Variants in NWD1 observed in about 807,000 individuals in gnomAD.
The protein encoded by NWD1 is NACHT domain- and WD repeat-containing protein 1.
A neutral mutation model predicts 135.1 loss-of-function variants in NWD1; 129 were observed. The ratio of observed to expected loss-of-function variants is 0.96; its 90% CI spans 0.83 to 1.11. NWD1 has a LOEUF of 1.11. NWD1 is among the 50% of genes least tolerant of loss of function. The pLI is 0.00. For missense variants in NWD1, 1,740 were observed against 1,851.3 expected, an observed-to-expected ratio of 0.94 and a Z score of 1.10; for synonymous variants, 773 against 786.0, an observed-to-expected ratio of 0.98 and a Z score of 0.28.
chr19:16,723,634 T>A (rs116900656), intron 1 of NWD1, among the ~76,000 whole-genome samples: 2,236 of 152,260 alleles, frequency 0.015, 30 homozygotes, highest in Middle Eastern at 0.044. Context: ...TTAATTTATA[T>A]CCATTCATCA....
chr19:16,805,665 C>T (rs926047725), intron 17 of NWD1, among the ~76,000 whole-genome samples: 4 of 152,044 alleles, frequency 2.6e-5, no homozygotes, highest in African/African-American at 9.7e-5. Flanking sequence ...GTTCACCCTG[C>T]AACCAGCAAA....
intron 1 of NWD1, among the ~76,000 whole-genome samples, chr19:16,723,508 C>T (rs1311262707): frequency 6.6e-6 from 1 of 151,592 alleles, no homozygotes. Context: ...GAGACACTGT[C>T]TCCCTGTGTT....
At chr19:16,780,314 C>T (rs1323499416) in intron 12 of NWD1, among the ~76,000 whole-genome samples, 1 of 152,094 alleles carries the variant, frequency 6.6e-6, no homozygotes, top group Non-Finnish European at 1.5e-5. Flanking sequence ...CGCCACCATG[C>T]CTGGCTAATT....
In NWD1 at chr19:16,750,322, G is replaced by T. The variant is rs1968524123; in HGVS notation, c.1680G>T (p.Glu560Asp). 1 of 1,613,366 alleles carries T rather than the reference G, an allele frequency of 6.2e-7. No homozygotes were observed. Among genetic ancestry groups the T allele is most frequent in the Admixed American group, 1.7e-5 (1 of 59,934 alleles). ...TVPVPLATTAEEATHQLCTRL... is the reference protein window; with the variant it reads ...TVPVPLATTADEATHQLCTRL... ...CTGTCCCGCTGGCCACCACCGCAGAGGAAGCCACGCACCAACTCTGCACCC... is the reference window on the plus strand; with the variant it reads ...CTGTCCCGCTGGCCACCACCGCAGATGAAGCCACGCACCAACTCTGCACCC... The change falls in exon 6 of 19, where the codon GAG (glutamate) becomes GAT (aspartate). Residue 560 changes from glutamate to aspartate, a missense_variant. By Grantham distance (45) the Glu-to-Asp change is conservative. Transcript: ENST00000524140.
At chr19:16,789,718 T>A (rs868564782) in intron 13 of NWD1, among the ~76,000 whole-genome samples, 3 of 140,164 alleles carry the variant, frequency 2.1e-5, no homozygotes, top group Non-Finnish European at 4.6e-5. Context: ...CTCTCTCTCT[T>A]TTTTTTTTTT....
In NWD1 at chr19:16,762,957, T is replaced by C. The variant is rs193007865; in HGVS notation, c.2133+819T>C. ...TGCCACTGCACCTGGCTAATTTTTGTATTTTTAGTAGAGACGGGGTTTTGC... is the reference window on the plus strand; with the variant it reads ...TGCCACTGCACCTGGCTAATTTTTGCATTTTTAGTAGAGACGGGGTTTTGC... On this transcript the variant is annotated intron_variant, in intron 8 of 18. Coordinates refer to ENST00000524140, the MANE Select transcript of NWD1 (RefSeq NM_001007525.5). Among the ~76,000 whole-genome samples the C allele has an allele frequency of 4.9e-4, 75 of 152,214 alleles. 1 individual carries two copies. In the East Asian group the frequency reaches 0.014, roughly 28 times the overall value.
In NWD1 at chr19:16,750,335, C is replaced by T; in HGVS notation, c.1693C>T (p.Gln565Ter). The T allele has an allele frequency of 6.2e-7, 1 of 1,612,798 alleles. No individual in the cohort carries two copies. Among genetic ancestry groups the T allele is most frequent in the South Asian group, 1.1e-5 (1 of 91,030 alleles). Residue 565 changes from glutamine to a stop codon, truncating the protein, a stop_gained, in exon 6 of 19, where the codon CAA becomes TAA. Coordinates refer to ENST00000524140, the MANE Select transcript of NWD1 (RefSeq NM_001007525.5). LOFTEE classifies it high-confidence loss of function. Reference sequence around the variant, plus strand: ...CACCACCGCAGAGGAAGCCACGCACCAACTCTGCACCCGCCTGGAGCAGAC... The same window carrying T: ...CACCACCGCAGAGGAAGCCACGCACTAACTCTGCACCCGCCTGGAGCAGAC... ...LATTAEEATH[Q>*]LCTRLEQTHG...
chr19:16,726,096 A>G (rs1461134301), intron 2 of NWD1, among the ~76,000 whole-genome samples: 2 of 150,982 alleles, frequency 1.3e-5, no homozygotes, highest in Non-Finnish European at 3.0e-5. Flanking sequence ...CGGAGTAGCT[A>G]GGATTACAGG....
In NWD1 at chr19:16,749,498, A is replaced by G. The variant is rs745912469; in HGVS notation, c.856A>G (p.Thr286Ala). 6 of 1,611,076 alleles carry G rather than the reference A, an allele frequency of 3.7e-6. No homozygotes were observed. The highest frequency in any genetic ancestry group is 5.1e-6 in the Non-Finnish European group (6 of 1,177,530). The part of the protein sequence containing the change: ...QVLTRLRELD[T>A]AGQELAWLYQ... The stretch of plus-strand genomic sequence containing the variant: ...CCTCACACGCCTCCGTGAGCTGGAT[A>G]CGGCCGGACAGGAGTTGGCGTGGCT... The change falls in exon 6 of 19, where the codon ACG becomes GCG. Residue 286 changes from threonine (T) to alanine (A), a missense_variant. Thr to Ala is a moderately conservative substitution (Grantham distance 58, BLOSUM62 0). Coordinates refer to ENST00000524140, the MANE Select transcript of NWD1 (RefSeq NM_001007525.5).
rs1968227671 is a variant in NWD1, at chr19:16,744,629, C to T, written c.407C>T (p.Thr136Ile). The T allele has an allele frequency of 2.0e-6, 3 of 1,535,390 alleles. No homozygotes were observed. Among genetic ancestry groups the T allele is most frequent in the African/African-American group, 1.4e-5 (1 of 72,998 alleles). Residue 136 changes from threonine (T) to isoleucine (I), a missense_variant, in exon 5 of 19, where the codon ACC (threonine) becomes ATC (isoleucine). Transcript: ENST00000524140. ...TGEACEPEEA[T>I]LTSVLRSGAQ... ...GAGGCCTGTGAACCAGAGGAGGCCACCTTAACTTCTGTCCTACGCTCTGGA... is the reference window on the plus strand; with the variant it reads ...GAGGCCTGTGAACCAGAGGAGGCCATCTTAACTTCTGTCCTACGCTCTGGA...
chr19:16,812,970 T>C (rs1302888673), intron 18 of NWD1: 2 of 696,256 alleles, frequency 2.9e-6, no homozygotes, highest in African/African-American at 3.5e-5. Context: ...CCCTTAGCTT[T>C]TAGGAAGGTG....
intron 10 of NWD1, among the ~76,000 whole-genome samples, chr19:16,770,700 C>T (rs1165819056): frequency 6.6e-6 from 1 of 152,066 alleles, no homozygotes; most frequent in South Asian, 2.1e-4. Context: ...GGGAAGAGTA[C>T]GCGCATCAGT....
chr19:16,802,738 C>T (rs1970639924), intron 17 of NWD1, among the ~76,000 whole-genome samples: 1 of 152,058 alleles, frequency 6.6e-6, no homozygotes, highest in South Asian at 2.1e-4. Context: ...TGCTGGCTCA[C>T]ACCTGTAATC....
chr19:16,750,341 TG>T lies in NWD1; in HGVS notation c.1700del (p.Cys567SerfsTer32). 6.2e-7 allele frequency: 1 copy of T among 1,612,082 alleles called. No individual in the cohort carries two copies. Among genetic ancestry groups the T allele is most frequent in the South Asian group, 1.1e-5 (1 of 91,006 alleles). The stretch of plus-strand genomic sequence containing the variant: ...CGCAGAGGAAGCCACGCACCAACTC[TG>T]CACCCGCCTGGAGCAGACACACGGG... ...TTAEEATHQL[C>X]TRLEQTHGQL... On this transcript the variant is annotated frameshift_variant, in exon 6 of 19. Coordinates refer to ENST00000524140, the MANE Select transcript of NWD1 (RefSeq NM_001007525.5). LOFTEE classifies it high-confidence loss of function.
chr19:16,752,147 A>G (rs1270243472), intron 6 of NWD1, among the ~76,000 whole-genome samples: 1 of 151,982 alleles, frequency 6.6e-6, no homozygotes, highest in Non-Finnish European at 1.5e-5. Flanking sequence ...CAACTGGCCA[A>G]CAGCAAACAC....
intron 9 of NWD1, among the ~76,000 whole-genome samples, chr19:16,764,392 CATCCATCCATCT>C (rs1184838931): frequency 1.3e-3 from 197 of 149,800 alleles, no homozygotes; most frequent in African/African-American, 4.6e-3. Flanking sequence ...TCCATCCATC[CATCCATCCATCT>C]AACTATCCAT....
At chr19:16,789,314 A>G in intron 13 of NWD1, 124 bp downstream of exon 13, 3 of 710,124 alleles carry the variant, frequency 4.2e-6, no homozygotes, top group Non-Finnish European at 7.3e-6. Flanking sequence ...AATGGAGTAC[A>G]CAACCACTTG....
At chr19:16,723,068 TTTTGAGGCAGAGTCTCTCTCTG>T (rs368592850) in intron 1 of NWD1, among the ~76,000 whole-genome samples, 38 of 152,184 alleles carry the variant, frequency 2.5e-4, no homozygotes, top group African/African-American at 8.9e-4. Flanking sequence ...TTATTTTATT[TTTTGAGGCAGAGTCTCTCTCTG>T]TTGCCCAGTG....
chr19:16,786,267 G>A (rs962348283), intron 12 of NWD1, among the ~76,000 whole-genome samples: 2 of 151,964 alleles, frequency 1.3e-5, no homozygotes, highest in South Asian at 4.2e-4. Context: ...TTCGGCCCCT[G>A]AAAGTGCTGG....
Sources: allele counts gnomAD v4.1 joint callset (sites outside exome capture counted in the v4.1 genomes callset), GRCh38; gene constraint gnomAD v4.1.1; transcripts MANE v1.5; gene names NCBI Gene and HGNC (gene_info 2026-07-23, HGNC 2026-07-21).